PSD3: variants seen among roughly 807,000 people sequenced by gnomAD.
PSD3 encodes the protein pleckstrin and Sec7 domain containing 3, also known as PH and SEC7 domain-containing protein 3.
PSD3 carries 49 observed loss-of-function variants against 105.5 expected under a neutral mutation model. That is an observed-to-expected ratio of 0.46 (90% CI 0.37 to 0.59). The LOEUF is 0.59. Among genes scored for constraint, PSD3 ranks in the 20% least tolerant of loss-of-function variants. The pLI is 0.00. For missense variants in PSD3, 1,561 were observed against 1,263.8 expected, an observed-to-expected ratio of 1.24 and a Z score of -3.57; for synonymous variants, 557 against 457.8, an observed-to-expected ratio of 1.22 and a Z score of -2.77.
chr8:18,918,976 G>T (rs187410416), intron 2 of PSD3, among the ~76,000 whole-genome samples: 11,830 of 151,680 alleles, frequency 0.078, 626 homozygotes, highest in Admixed American at 0.18. Context: ...AACTCACCAG[G>T]CTCTACAATT....
chr8:19,064,413 A>G (rs1479846336), intron 1 of PSD3, among the ~76,000 whole-genome samples: 2 of 152,134 alleles, frequency 1.3e-5, no homozygotes, highest in African/African-American at 4.8e-5. Flanking sequence ...AGTTATACCT[A>G]TTTATGGGGT....
In PSD3 at chr8:18,761,494, T is replaced by C. The variant is rs1000984213; in HGVS notation, c.2172+3955A>G. Among the ~76,000 whole-genome samples the C allele has an allele frequency of 7.9e-5, 12 of 152,210 alleles. 1 individual carries two copies. Among genetic ancestry groups the C allele is most frequent in the Admixed American group, 7.8e-4 (12 of 15,288 alleles). ...ATCTCCCATTTTATAGATGAGGATA[T>C]TGAAATACACTATTTACTTGACGTA... On this transcript the variant is annotated intron_variant, in intron 9 of 15. Transcript: ENST00000327040.
At chr8:18,957,436 C>G (rs969565854) in intron 1 of PSD3, among the ~76,000 whole-genome samples, 5 of 152,024 alleles carry the variant, frequency 3.3e-5, no homozygotes, top group African/African-American at 1.2e-4. Flanking sequence ...TGAGCAATGA[C>G]TTCAACTCAG....
chr8:18,983,458 G>A (rs892582811), intron 1 of PSD3, among the ~76,000 whole-genome samples: 3 of 152,106 alleles, frequency 2.0e-5, no homozygotes, highest in Non-Finnish European at 2.9e-5. Flanking sequence ...GCTTCAACAC[G>A]CCCTTCTCAC....
chr8:18,610,352 A>C (rs1200782555), intron 11 of PSD3, among the ~76,000 whole-genome samples: 1 of 152,192 alleles, frequency 6.6e-6, no homozygotes, highest in Non-Finnish European at 1.5e-5. Flanking sequence ...TTGTACTTCA[A>C]CCACTCATAC....
chr8:19,033,747 G>C (rs150161763), intron 1 of PSD3, among the ~76,000 whole-genome samples: 2 of 151,968 alleles, frequency 1.3e-5, no homozygotes, highest in African/African-American at 2.4e-5. Context: ...AGTCTCATAA[G>C]TGGTTGGGAT....
At chr8:18,576,306 T>C (rs906879910) in intron 12 of PSD3, among the ~76,000 whole-genome samples, 1 of 152,170 alleles carries the variant, frequency 6.6e-6, no homozygotes, top group African/African-American at 2.4e-5. Context: ...ATAAAGATTA[T>C]CCACATTTAT....
chr8:19,013,324 A>T (rs1308074713), intron 1 of PSD3, among the ~76,000 whole-genome samples: 2 of 152,028 alleles, frequency 1.3e-5, no homozygotes, highest in African/African-American at 4.8e-5. Flanking sequence ...TTCAAAGCCG[A>T]GGTATGAACT....
At chr8:18,994,191 T>C (rs763014008) in intron 1 of PSD3, among the ~76,000 whole-genome samples, 4 of 152,066 alleles carry the variant, frequency 2.6e-5, no homozygotes, top group Non-Finnish European at 5.9e-5. Flanking sequence ...CTAAACAACA[T>C]TGCTAAAAAT....
intron 8 of PSD3, among the ~76,000 whole-genome samples, chr8:18,776,392 T>TTG (rs978165175): frequency 6.7e-5 from 10 of 148,568 alleles, no homozygotes; most frequent in African/African-American, 2.4e-4. Flanking sequence ...AATTTTTTTT[T>TTG]TTTGTTTTTG....
chr8:18,570,928 C>T (rs995402820), intron 14 of PSD3, among the ~76,000 whole-genome samples: 9 of 151,726 alleles, frequency 5.9e-5, no homozygotes, highest in East Asian at 3.9e-4. Context: ...GGCATGATCT[C>T]GGCTCACTGC....
At chr8:18,900,371 T>C (rs570715127) in intron 2 of PSD3, among the ~76,000 whole-genome samples, 5 of 152,324 alleles carry the variant, frequency 3.3e-5, no homozygotes, top group Admixed American at 3.3e-4. Flanking sequence ...GGAGCTGCAG[T>C]GACAACAAAT....
intron 9 of PSD3, among the ~76,000 whole-genome samples, chr8:18,683,365 A>G (rs531703356): frequency 1.3e-5 from 2 of 152,200 alleles, no homozygotes; most frequent in Non-Finnish European, 2.9e-5. Context: ...GGAGGAAAGG[A>G]AAAAGGAACT....
intron 15 of PSD3, among the ~76,000 whole-genome samples, chr8:18,553,417 T>C (rs1243407975): frequency 6.6e-6 from 1 of 152,236 alleles, no homozygotes; most frequent in African/African-American, 2.4e-5. Flanking sequence ...TCTGGTCCTG[T>C]TAAAACAATG....
At chr8:18,622,540 T>A (rs1056466310) in intron 11 of PSD3, among the ~76,000 whole-genome samples, 36 of 152,212 alleles carry the variant, frequency 2.4e-4, no homozygotes, top group African/African-American at 8.7e-4. Flanking sequence ...TGTAGTTTTA[T>A]GGAGCATAAC....
At chr8:18,927,348 G>T (rs1208213998) in intron 2 of PSD3, among the ~76,000 whole-genome samples, 3 of 151,994 alleles carry the variant, frequency 2.0e-5, no homozygotes, top group African/African-American at 7.2e-5. Context: ...CGAGTAGCTG[G>T]GATTACAGGT....
chr8:18,688,687 A>G (rs936999274), intron 9 of PSD3, among the ~76,000 whole-genome samples: 1 of 152,200 alleles, frequency 6.6e-6, no homozygotes, highest in Admixed American at 6.5e-5. Flanking sequence ...TATCACCCAC[A>G]ATCATGGTGT....
intron 9 of PSD3, among the ~76,000 whole-genome samples, chr8:18,661,137 C>T (rs1254949584): frequency 6.6e-6 from 1 of 151,956 alleles, no homozygotes; most frequent in South Asian, 2.1e-4. Flanking sequence ...TGATGGAATT[C>T]GTGTATTTTA....
intron 1 of PSD3, among the ~76,000 whole-genome samples, chr8:18,969,285 G>A (rs1824487387): frequency 6.6e-6 from 1 of 152,156 alleles, no homozygotes. Context: ...TTGACAAAGT[G>A]TCCTACAAAG....
Sources: allele counts gnomAD v4.1 joint callset (sites outside exome capture counted in the v4.1 genomes callset), GRCh38; gene constraint gnomAD v4.1.1; transcripts MANE v1.5; gene names NCBI Gene and HGNC (gene_info 2026-07-23, HGNC 2026-07-21).